Variants in MACF1 observed in about 807,000 individuals in gnomAD.
The protein encoded by MACF1 is microtubule actin crosslinking factor 1.
In MACF1, 193 loss-of-function variants were observed where a neutral mutation model predicts 854.8. The observed-to-expected ratio is 0.23, with a 90% CI of 0.20 to 0.25. The LOEUF is 0.25. Among genes scored for constraint, MACF1 ranks in the 10% least tolerant of loss-of-function variants. MACF1 has a pLI of 1.00. For missense variants in MACF1, 7,722 were observed against 8,929.1 expected, an observed-to-expected ratio of 0.86 and a Z score of 5.45; for synonymous variants, 3,185 against 3,226.7, an observed-to-expected ratio of 0.99 and a Z score of 0.44.
intron 97 of MACF1, among the ~76,000 whole-genome samples, chr1:39,479,111 C>T (rs1267083096): frequency 1.3e-5 from 2 of 152,200 alleles, no homozygotes; most frequent in South Asian, 2.1e-4. Context: ...GCCGACTCCA[C>T]GTTCTTTGCA....
intron 2 of MACF1, among the ~76,000 whole-genome samples, chr1:39,234,831 T>C (rs1371654201): frequency 2.6e-4 from 7 of 27,036 alleles, no homozygotes; most frequent in Non-Finnish European, 8.2e-4. Context: ...CCAGACGGGG[T>C]CGCGGCTGGG....
intron 97 of MACF1, among the ~76,000 whole-genome samples, chr1:39,474,629 G>T (rs1391321890): frequency 2.0e-5 from 3 of 152,150 alleles, no homozygotes; most frequent in Non-Finnish European, 4.4e-5. Flanking sequence ...GGGAAGCGGA[G>T]GTTGTGGTGA....
chr1:39,214,172 G>A (rs1248923545), intron 1 of MACF1, among the ~76,000 whole-genome samples: 1 of 152,154 alleles, frequency 6.6e-6, no homozygotes, highest in African/African-American at 2.4e-5. Context: ...TAGAGCAGAG[G>A]GCCAGTGATT....
At chr1:39,472,945 T>A (rs1306121757) in intron 97 of MACF1, among the ~76,000 whole-genome samples, 1 of 152,206 alleles carries the variant, frequency 6.6e-6, no homozygotes, top group East Asian at 1.9e-4. Context: ...CAGATTGCCT[T>A]AATGCCTATG....
chr1:39,271,633 TG>T (rs1439700812), intron 6 of MACF1, among the ~76,000 whole-genome samples: 2 of 152,094 alleles, frequency 1.3e-5, no homozygotes, highest in Non-Finnish European at 2.9e-5. Context: ...ATAGAGTAGT[TG>T]GGGGTAAAAC....
Position 39,318,594 on chromosome 1 carries a change from G to A in MACF1, c.3924G>A (p.Ser1308=), listed in dbSNP as rs150560748. The change falls in exon 30 of 101, where the codon TCG becomes TCA. Residue 1308 remains serine (S), a synonymous_variant. Coordinates refer to ENST00000564288, the MANE Select transcript of MACF1 (RefSeq NM_001394062.1). ...PGQAEDSRVL[S]EQLSQQTALF... Reference sequence around the variant, plus strand: ...AGGCAGAGGATAGCAGAGTGCTTTCGGAGCAGCTCAGCCAGCAGACGGTGA... The same window carrying A: ...AGGCAGAGGATAGCAGAGTGCTTTCAGAGCAGCTCAGCCAGCAGACGGTGA... 2,368 of 1,612,476 alleles carry A rather than the reference G, an allele frequency of 1.5e-3. 8 individuals are homozygous for A. The highest frequency in any genetic ancestry group is 1.1e-3 in the Non-Finnish European group (1,276 of 1,179,234).
intron 95 of MACF1, among the ~76,000 whole-genome samples, chr1:39,467,289 C>T (rs1644689813): frequency 6.6e-6 from 1 of 152,092 alleles, no homozygotes; most frequent in South Asian, 2.1e-4. Flanking sequence ...GGCATGAACC[C>T]AGGAGGCGGA....
At position 39,335,733 on chromosome 1, in the gene MACF1, G is replaced by T; in HGVS notation, c.9145G>T (p.Val3049Leu). The change falls in exon 37 of 101, where the codon GTA (valine) becomes TTA (leucine). Residue 3049 changes from valine to leucine, a missense_variant. Physicochemically the swap from Val to Leu is conservative, Grantham distance 32. This residue lies in a region of MACF1 where 854 missense variants were observed against 852.6 expected (regional missense o/e 1.00). Transcript: ENST00000564288. The stretch of plus-strand genomic sequence containing the variant: ...AATTGAAGAGTCCTCTTCCCAAGTG[G>T]TACCTCAAGGAATTTCTGTAAAACA... Reference protein sequence around the residue: ...FKIEESSSQVVPQGISVKHLD... With the variant: ...FKIEESSSQVLPQGISVKHLD... The T allele has an allele frequency of 6.2e-7, 1 of 1,613,854 alleles. No individual in the cohort carries two copies. Among genetic ancestry groups the T allele is most frequent in the Non-Finnish European group, 8.5e-7 (1 of 1,179,940 alleles).
intron 89 of MACF1, among the ~76,000 whole-genome samples, chr1:39,456,536 G>A (rs1268886201): frequency 6.6e-6 from 1 of 152,194 alleles, no homozygotes; most frequent in African/African-American, 2.4e-5. Flanking sequence ...GCTTAACGAT[G>A]GGTTTGCCAG....
chr1:39,221,730 C>T (rs1456131451), intron 1 of MACF1, among the ~76,000 whole-genome samples: 3 of 152,168 alleles, frequency 2.0e-5, no homozygotes, highest in African/African-American at 4.8e-5. Context: ...GAGGTACCTG[C>T]CCTCTTCTTT....
intron 2 of MACF1, among the ~76,000 whole-genome samples, chr1:39,178,947 G>A (rs944541555): frequency 6.6e-6 from 1 of 152,146 alleles, no homozygotes; most frequent in Non-Finnish European, 1.5e-5. Flanking sequence ...TCCTTTCCTG[G>A]ATTGTCTAGG....
intron 2 of MACF1, among the ~76,000 whole-genome samples, chr1:39,098,650 G>C (rs1182063682): frequency 6.6e-6 from 1 of 152,200 alleles, no homozygotes; most frequent in Non-Finnish European, 1.5e-5. Flanking sequence ...AGCCACGGGA[G>C]AGGCCTAGGG....
chr1:39,416,831 T>C (rs1192156590), intron 58 of MACF1, among the ~76,000 whole-genome samples: 3 of 152,236 alleles, frequency 2.0e-5, no homozygotes, highest in Admixed American at 6.5e-5. Context: ...AATGCCTATA[T>C]CTGTGTACAG....
intron 72 of MACF1, among the ~76,000 whole-genome samples, chr1:39,440,111 C>CTTTTCTTTTCTTTTTTTT (rs1553414036): frequency 7.7e-5 from 5 of 64,566 alleles, no homozygotes; most frequent in African/African-American, 3.4e-4. Context: ...CTTTTCTTTT[C>CTTTTCTTTTCTTTTTTTT]TTTTTTTTTT....
Position 39,485,536 on chromosome 1 carries a change from A to G in MACF1, c.22412-2A>G. The G allele has an allele frequency of 6.2e-7, 1 of 1,609,608 alleles. No individual in the cohort carries two copies. Among genetic ancestry groups the G allele is most frequent in the Non-Finnish European group, 8.5e-7 (1 of 1,177,930 alleles). On this transcript the variant is annotated splice_acceptor_variant, in intron 100 of 100. Transcript: ENST00000564288. LOFTEE classifies it high-confidence loss of function. ...GTCTGCTGTTTTATTCTTGAATTCC[A>G]GACCCTAAAAAGTCTGCCAGTCGCC... is the stretch of plus-strand genomic sequence containing the variant.
chr1:39,102,722 C>G, intron 2 of MACF1: 1 of 701,408 alleles, frequency 1.4e-6, no homozygotes, highest in East Asian at 2.7e-5. Flanking sequence ...CGAGTACATC[C>G]TTCTGCTTCC....
intron 49 of MACF1, among the ~76,000 whole-genome samples, chr1:39,366,416 C>T (rs1418139271): frequency 6.6e-6 from 1 of 152,016 alleles, no homozygotes; most frequent in Non-Finnish European, 1.5e-5. Context: ...TCACTGCATC[C>T]TCAAACTCCT....
rs1557675037 is a variant in MACF1, at chr1:39,477,077, A to ATATACACACACATATATACACTTAGTGTG, written c.21959-2717_21959-2716insCACACACATATATACACTTAGTGTGTATA. 2.9e-3 allele frequency among the ~76,000 whole-genome samples: 55 copies of ATATACACACACATATATACACTTAGTGTG among 19,238 alleles called. 2 individuals carry two copies. Among genetic ancestry groups the ATATACACACACATATATACACTTAGTGTG allele is most frequent in the Middle Eastern group, 0.025 (1 of 40 alleles). The allele number at this position is 19,238 out of a possible 152,430, so 12.6% of individuals were successfully genotyped here. A position where few individuals can be genotyped will look rare whatever the true frequency, so the allele number is the denominator to read the frequency against. On this transcript the variant is annotated intron_variant, in intron 97 of 100. Coordinates refer to ENST00000564288, the MANE Select transcript of MACF1 (RefSeq NM_001394062.1). ...TATATATATATATATATATATATAT[A>ATATACACACACATATATACACTTAGTGTG]TATATATATATATACACACACACAC...
At chr1:39,478,455 G>C (rs1557675954) in intron 97 of MACF1, among the ~76,000 whole-genome samples, 1 of 152,166 alleles carries the variant, frequency 6.6e-6, no homozygotes, top group Admixed American at 6.5e-5. Flanking sequence ...TGAGCCTGAG[G>C]AAACTGAGGC....
Sources: gnomAD v4.1 joint callset for allele counts (sites outside exome capture counted in the v4.1 genomes callset) on GRCh38, gnomAD v4.1.1 for gene constraint, gnomAD v4.1.1 regional missense constraint, MANE v1.5 for transcripts, NCBI Gene and HGNC (gene_info 2026-07-23, HGNC 2026-07-21) for gene names.